Variants in UQCC1 observed in about 807,000 individuals in gnomAD.
The protein encoded by UQCC1 is bFGF-repressed Zic-binding protein.
UQCC1 carries 38 observed loss-of-function variants against 48.0 expected under a neutral mutation model. The observed-to-expected ratio is 0.79, with a 90% CI of 0.61 to 1.04. The LOEUF (loss-of-function observed/expected upper bound fraction) is 1.04, where lower values mean the gene tolerates loss of function less well. Ranked by LOEUF, UQCC1 falls within the 50% of genes least tolerant of loss-of-function variation. The probability of loss-of-function intolerance (pLI) is 0.00; values close to 1 mark genes in which losing one functional copy is unlikely to be tolerated. For missense variants in UQCC1, 368 were observed against 381.8 expected, an observed-to-expected ratio of 0.96 and a Z score of 0.30; for synonymous variants, 111 against 129.2, an observed-to-expected ratio of 0.86 and a Z score of 0.95.
intron 7 of UQCC1, among the ~76,000 whole-genome samples, chr20:35,316,446 G>C (rs1386176847): frequency 6.6e-6 from 1 of 152,126 alleles, no homozygotes; most frequent in Non-Finnish European, 1.5e-5. Flanking sequence ...AGTCTGCCAG[G>C]GTTCTGCTTC....
intron 7 of UQCC1, among the ~76,000 whole-genome samples, chr20:35,341,235 A>G (rs868239209): frequency 0.014 from 2,092 of 148,186 alleles, 53 homozygotes; most frequent in African/African-American, 0.049. Flanking sequence ...AAAAAAAAAA[A>G]AAAGAAAGAA....
intron 7 of UQCC1, among the ~76,000 whole-genome samples, chr20:35,315,645 T>C (rs1018530732): frequency 1.3e-5 from 2 of 152,154 alleles, no homozygotes; most frequent in East Asian, 3.9e-4. Flanking sequence ...TCCCAGCACT[T>C]TGGGAGGCCA....
rs566081409 is a variant in UQCC1 at position 35,337,957 on chromosome 20, A to G, written c.573+9207T>C. ...ATTTATTGGCTTTGCCGCACACAGT[A>G]TAATACCGCCTTTGTTAGTCTCCTG... On this transcript the variant is annotated intron_variant, in intron 7 of 9. Transcript: ENST00000374385. Among the ~76,000 whole-genome samples the G allele has an allele frequency of 1.2e-3, 181 of 151,476 alleles. 1 individual carries two copies. Among genetic ancestry groups the G allele is most frequent in the Non-Finnish European group, 1.8e-3 (119 of 67,954 alleles).
chr20:35,397,376 C>T (rs1396307448), intron 1 of UQCC1, among the ~76,000 whole-genome samples: 33 of 151,018 alleles, frequency 2.2e-4, no homozygotes, highest in Admixed American at 1.8e-3. Context: ...ATTAGCCAGG[C>T]GTGGTGGTGG....
Position 35,370,720 on chromosome 20 carries a change from A to G in UQCC1, c.406+3464T>C, listed in dbSNP as rs949355784. Among the ~76,000 whole-genome samples, 7 of 152,246 alleles carry G rather than the reference A, an allele frequency of 4.6e-5. No homozygotes were observed. In the East Asian group the frequency reaches 1.3e-3, roughly 29 times the overall value. On this transcript the variant is annotated intron_variant, in intron 5 of 9. Coordinates refer to ENST00000374385, the MANE Select transcript of UQCC1 (RefSeq NM_018244.5). ...AAGCTCACCAATAGATTCACACTAT[A>G]ATTAGTATAAACATCAGTTTCCAAT...
At chr20:35,330,799 T>C (rs1424787315) in intron 7 of UQCC1, among the ~76,000 whole-genome samples, 2 of 152,036 alleles carry the variant, frequency 1.3e-5, no homozygotes, top group South Asian at 4.2e-4. Flanking sequence ...ATCTCATGGA[T>C]TTTTTTTCAA....
At chr20:35,337,687 C>CT (rs967647740) in intron 7 of UQCC1, among the ~76,000 whole-genome samples, 70 of 152,190 alleles carry the variant, frequency 4.6e-4, no homozygotes, top group African/African-American at 1.6e-3. Context: ...AAACTAAGTT[C>CT]TTTCCTAAGT....
chr20:35,356,605 T>C (rs558000917), intron 6 of UQCC1, among the ~76,000 whole-genome samples: 38 of 152,344 alleles, frequency 2.5e-4, no homozygotes, highest in African/African-American at 7.9e-4. Context: ...ACTGTCCTCA[T>C]TTCACAGGTG....
chr20:35,307,641 G>A (rs903646785), intron 8 of UQCC1, among the ~76,000 whole-genome samples: 1 of 152,152 alleles, frequency 6.6e-6, no homozygotes, highest in Non-Finnish European at 1.5e-5. Context: ...TGCTGACTTG[G>A]AGTTAGAAGG....
intron 7 of UQCC1, chr20:35,346,874 A>G (rs2061436854): frequency 1.1e-6 from 1 of 926,012 alleles, no homozygotes; most frequent in Admixed American, 2.8e-5. Flanking sequence ...GATTCCCTCC[A>G]TTCACCAAAT....
In UQCC1 at chr20:35,319,300, C is replaced by T. The variant is rs371704147; in HGVS notation, c.574-4535G>A. 1.8e-4 allele frequency among the ~76,000 whole-genome samples: 27 copies of T among 152,246 alleles called. No individual in the cohort carries two copies. In the South Asian group the frequency reaches 5.4e-3, roughly 30 times the overall value. ...ACATAAACTATGATGTCACCTCTAG[C>T]CAACCACAGGCCTGCTTTCCCAGCA... is the stretch of plus-strand genomic sequence containing the variant. On this transcript the variant is annotated intron_variant, in intron 7 of 9. Coordinates refer to ENST00000374385, the MANE Select transcript of UQCC1 (RefSeq NM_018244.5).
intron 7 of UQCC1, among the ~76,000 whole-genome samples, chr20:35,318,819 C>T (rs1164086200): frequency 6.6e-6 from 1 of 152,180 alleles, no homozygotes; most frequent in East Asian, 1.9e-4. Context: ...AGTCCAGCAG[C>T]CAAGGGGAGC....
chr20:35,311,893 G>A (rs962631388), intron 8 of UQCC1, among the ~76,000 whole-genome samples: 17 of 152,130 alleles, frequency 1.1e-4, no homozygotes, highest in Non-Finnish European at 1.8e-4. Context: ...GAACCACCAG[G>A]CAGCACTCCT....
chr20:35,351,604 G>A (rs1426218524), intron 6 of UQCC1, among the ~76,000 whole-genome samples: 1 of 152,170 alleles, frequency 6.6e-6, no homozygotes, highest in Non-Finnish European at 1.5e-5. Context: ...ATGCTTAAGT[G>A]TTGTCAGAGG....
intron 8 of UQCC1, among the ~76,000 whole-genome samples, chr20:35,310,366 C>T (rs555643336): frequency 2.4e-4 from 37 of 152,184 alleles, no homozygotes; most frequent in Middle Eastern, 3.4e-3. Flanking sequence ...GAGGATTTAG[C>T]GGGTGTGGTG....
intron 7 of UQCC1, among the ~76,000 whole-genome samples, chr20:35,336,762 CT>C (rs1257010570): frequency 6.6e-6 from 1 of 152,182 alleles, no homozygotes; most frequent in Non-Finnish European, 1.5e-5. Flanking sequence ...GTTTCCTCAT[CT>C]GTAAAATGAG....
chr20:35,312,765 C>T (rs1025372701), intron 8 of UQCC1, among the ~76,000 whole-genome samples: 31 of 152,112 alleles, frequency 2.0e-4, no homozygotes, highest in African/African-American at 6.8e-4. Context: ...AGATGAACCT[C>T]GAGGGCATTA....
intron 6 of UQCC1, among the ~76,000 whole-genome samples, chr20:35,363,057 GAAAC>G (rs1402994513): frequency 2.4e-4 from 34 of 141,148 alleles, no homozygotes; most frequent in African/African-American, 7.3e-4. Context: ...AAGAAAGAAA[GAAAC>G]AAAAGAAAAT....
chr20:35,306,962 A>G (rs1460765129), intron 8 of UQCC1, 183 bp from the exon 9 acceptor site: 1 of 648,328 alleles, frequency 1.5e-6, no homozygotes, highest in East Asian at 2.8e-5. Flanking sequence ...TATCTGGCCC[A>G]ATCCCTTCAT....
Sources: gnomAD v4.1 joint callset for allele counts (sites outside exome capture counted in the v4.1 genomes callset) on GRCh38, gnomAD v4.1.1 for gene constraint, MANE v1.5 for transcripts, NCBI Gene and HGNC (gene_info 2026-07-23, HGNC 2026-07-21) for gene names.